Variants in SYT16 observed in about 807,000 individuals in gnomAD.
SYT16 encodes synaptotagmin-16.
A neutral mutation model predicts 61.4 loss-of-function variants in SYT16; 42 were observed. The observed-to-expected ratio is 0.68, with a 90% confidence interval of 0.53 to 0.89. The LOEUF (loss-of-function observed/expected upper bound fraction) is 0.89, where lower values mean the gene tolerates loss of function less well. Ranked by LOEUF, SYT16 falls within the 40% of genes least tolerant of loss-of-function variation. The pLI is 0.00. For missense variants in SYT16, 804 were observed against 807.3 expected, an observed-to-expected ratio of 1.00 and a Z score of 0.05; for synonymous variants, 314 against 302.3, an observed-to-expected ratio of 1.04 and a Z score of -0.40.
At chr14:61,836,996 G>A (rs1167259502) in intron 1 of SYT16, among the ~76,000 whole-genome samples, 1 of 152,148 alleles carries the variant, frequency 6.6e-6, no homozygotes, top group East Asian at 1.9e-4. Context: ...GAGGAGCAAG[G>A]GAAGTGATTT....
At chr14:61,974,003 C>A (rs1029659711) in intron 2 of SYT16, among the ~76,000 whole-genome samples, 1 of 152,144 alleles carries the variant, frequency 6.6e-6, no homozygotes, top group Non-Finnish European at 1.5e-5. Context: ...GTGCCGCATG[C>A]TTCTTTTTGG....
intron 2 of SYT16, among the ~76,000 whole-genome samples, chr14:61,989,876 C>G (rs1473235536): frequency 6.6e-6 from 1 of 152,150 alleles, no homozygotes; most frequent in Non-Finnish European, 1.5e-5. Flanking sequence ...TATTAACTGC[C>G]TCCCTGAAGT....
Position 61,945,179 on chromosome 14 carries a change from G to A in SYT16, c.-324-24953G>A, listed in dbSNP as rs139460156. On this transcript the variant is annotated intron_variant, in intron 1 of 7. Transcript: ENST00000683842. ...TTTGAGAAATGCAAATCAAAACCAC[G>A]GTGAGATACTATCTCATGCCAGTTA... is the stretch of plus-strand genomic sequence containing the variant. Among the ~76,000 whole-genome samples, 266 of 152,242 alleles carry A rather than the reference G, an allele frequency of 1.7e-3. 1 individual carries two copies. The highest frequency in any genetic ancestry group is 5.6e-3 in the African/African-American group (231 of 41,540).
chr14:61,815,034 C>T (rs901522979), intron 1 of SYT16, among the ~76,000 whole-genome samples: 10 of 152,208 alleles, frequency 6.6e-5, no homozygotes, highest in African/African-American at 1.7e-4. Context: ...AAGACCCTGA[C>T]ATCAGTATTT....
chr14:61,984,805 T>C (rs1030291502), intron 2 of SYT16, among the ~76,000 whole-genome samples: 1 of 152,152 alleles, frequency 6.6e-6, no homozygotes, highest in Non-Finnish European at 1.5e-5. Context: ...AGGTCACACA[T>C]GTATGTAGAA....
At chr14:61,906,791 A>G (rs28538514) in intron 1 of SYT16, among the ~76,000 whole-genome samples, 13 of 62,512 alleles carry the variant, frequency 2.1e-4, no homozygotes, top group South Asian at 1.2e-3. Context: ...CCGTCCGTCC[A>G]TCCATCCATC....
At chr14:61,991,950 G>A (rs7142354) in intron 2 of SYT16, among the ~76,000 whole-genome samples, 6,640 of 149,524 alleles carry the variant, frequency 0.044, 610 homozygotes, top group African/African-American at 0.092. Flanking sequence ...AACTTTGTTC[G>A]TTCATTCATT....
At chr14:61,817,638 C>A (rs1395700584) in intron 1 of SYT16, among the ~76,000 whole-genome samples, 1 of 151,924 alleles carries the variant, frequency 6.6e-6, no homozygotes, top group African/African-American at 2.4e-5. Context: ...ACTAAAGAGA[C>A]CACTAAATGC....
At chr14:62,014,223 T>C (rs1234761124) in intron 3 of SYT16, among the ~76,000 whole-genome samples, 2 of 152,204 alleles carry the variant, frequency 1.3e-5, no homozygotes, top group South Asian at 2.1e-4. Context: ...ATGACAGATA[T>C]CACATACATG....
chr14:62,057,118 A>G (rs1046912230), intron 3 of SYT16, among the ~76,000 whole-genome samples: 3 of 152,176 alleles, frequency 2.0e-5, no homozygotes, highest in Non-Finnish European at 4.4e-5. Context: ...GGCCATGGTG[A>G]AAGCTGATTA....
At chr14:62,045,587 T>A (rs2054939599) in intron 3 of SYT16, among the ~76,000 whole-genome samples, 1 of 152,200 alleles carries the variant, frequency 6.6e-6, no homozygotes, top group Non-Finnish European at 1.5e-5. Flanking sequence ...TATCTCCTAA[T>A]GCTATCTCTC....
intron 3 of SYT16, among the ~76,000 whole-genome samples, chr14:62,011,924 C>CATATATATATAT (rs71449575): frequency 3.4e-5 from 3 of 86,996 alleles, no homozygotes; most frequent in African/African-American, 1.4e-4. Context: ...CACACACACA[C>CATATATATATAT]ACATATATAT....
At chr14:62,098,222 T>C (rs1375432686) in intron 7 of SYT16, among the ~76,000 whole-genome samples, 2 of 152,232 alleles carry the variant, frequency 1.3e-5, no homozygotes, top group East Asian at 1.9e-4. Flanking sequence ...AAAGTTTGAC[T>C]GGTCGTTAGG....
chr14:62,029,548 T>C (rs1395378485), intron 3 of SYT16, among the ~76,000 whole-genome samples: 2 of 152,196 alleles, frequency 1.3e-5, no homozygotes, highest in African/African-American at 4.8e-5. Context: ...TTTCGGGAGT[T>C]CTATTCCCAG....
intron 7 of SYT16, among the ~76,000 whole-genome samples, chr14:62,088,243 A>G (rs574957636): frequency 1.3e-5 from 2 of 152,366 alleles, no homozygotes; most frequent in African/African-American, 4.8e-5. Context: ...AAATTAAGAT[A>G]TATAATTGAA....
At chr14:61,864,810 TCA>T in intron 1 of SYT16, 1 of 972,114 alleles carries the variant, frequency 1.0e-6, no homozygotes. Context: ...GAGGGCTAAA[TCA>T]CAGTCTACCA....
intron 1 of SYT16, among the ~76,000 whole-genome samples, chr14:61,941,404 TG>T (rs944953741): frequency 1.3e-5 from 2 of 152,226 alleles, no homozygotes; most frequent in Admixed American, 1.3e-4. Context: ...TTCTTTGCCT[TG>T]GGGAAGGGTG....
chr14:61,832,201 C>T (rs967347766), intron 1 of SYT16: 2 of 644,882 alleles, frequency 3.1e-6, no homozygotes, highest in South Asian at 2.8e-5. Flanking sequence ...TTCTGTCTGG[C>T]AGACAGGTGC....
At chr14:61,969,174 C>G (rs1336632059) in intron 1 of SYT16, among the ~76,000 whole-genome samples, 3 of 152,212 alleles carry the variant, frequency 2.0e-5, no homozygotes, top group African/African-American at 7.2e-5. Flanking sequence ...CTGATTAAAG[C>G]TGCTCTTAGG....
Sources: allele counts gnomAD v4.1 joint callset (sites outside exome capture counted in the v4.1 genomes callset), GRCh38; gene constraint gnomAD v4.1.1; transcripts MANE v1.5; gene names NCBI Gene and HGNC (gene_info 2026-07-23, HGNC 2026-07-21).